Variants in GSR observed in about 807,000 individuals in gnomAD.
GSR encodes the protein glutathione reductase, mitochondrial.
GSR carries 48 observed loss-of-function variants against 56.5 expected under a neutral mutation model. That is an observed-to-expected ratio of 0.85 (90% CI 0.67 to 1.08). GSR has a LOEUF of 1.08. Ranked by LOEUF, GSR falls within the 50% of genes least tolerant of loss-of-function variation. The pLI is 0.00. For missense variants in GSR, 694 were observed against 703.3 expected, an observed-to-expected ratio of 0.99 and a Z score of 0.15; for synonymous variants, 264 against 270.8, an observed-to-expected ratio of 0.97 and a Z score of 0.25.
intron 8 of GSR, among the ~76,000 whole-genome samples, chr8:30,692,204 T>TC (rs1803404775): frequency 7.4e-6 from 1 of 134,964 alleles, no homozygotes; most frequent in South Asian, 2.6e-4. Flanking sequence ...AGCTTTTTTT[T>TC]TTTTTTTTTT....
intron 12 of GSR, among the ~76,000 whole-genome samples, chr8:30,680,347 G>C (rs1010678196): frequency 6.6e-6 from 1 of 150,834 alleles, no homozygotes; most frequent in Non-Finnish European, 1.5e-5. Flanking sequence ...AGGATTATAG[G>C]CGTGAGCCAC....
At chr8:30,690,659 T>C (rs1165768776) in intron 8 of GSR, among the ~76,000 whole-genome samples, 1 of 152,196 alleles carries the variant, frequency 6.6e-6, no homozygotes, top group Non-Finnish European at 1.5e-5. Context: ...GGAAGATCAT[T>C]TTTAAAAGGC....
At chr8:30,682,783 A>T (rs1248792055) in intron 10 of GSR, among the ~76,000 whole-genome samples, 1 of 151,862 alleles carries the variant, frequency 6.6e-6, no homozygotes, top group Non-Finnish European at 1.5e-5. Flanking sequence ...TACAGGCATG[A>T]GCCACTGCGC....
Position 30,709,911 on chromosome 8 carries a change from A to T in GSR, c.334-9T>A. The stretch of plus-strand genomic sequence containing the variant: ...GCTGTGTTCCACATTACCTGTAAAA[A>T]AAAAAAAAAAAAAGGATCCAAAACA... On this transcript the variant is annotated splice_polypyrimidine_tract_variant and intron_variant, in intron 2 of 12. Coordinates refer to ENST00000221130, the MANE Select transcript of GSR (RefSeq NM_000637.5). The T allele has an allele frequency of 7.0e-7, 1 of 1,428,104 alleles. No individual in the cohort carries two copies. The highest frequency in any genetic ancestry group is 1.4e-5 in the African/African-American group (1 of 71,014). The allele number at this position is 1,428,104 out of a possible 1,614,324, so 88.5% of individuals were successfully genotyped here.
At chr8:30,703,499 C>T (rs976726286) in intron 4 of GSR, among the ~76,000 whole-genome samples, 1 of 152,090 alleles carries the variant, frequency 6.6e-6, no homozygotes, top group Non-Finnish European at 1.5e-5. Flanking sequence ...GTAATCCTAG[C>T]ACTTTGGGAG....
At position 30,681,051 on chromosome 8, in the gene GSR, T is replaced by C. The variant is rs781165687; in HGVS notation, c.1286-14A>G. On this transcript the variant is annotated splice_polypyrimidine_tract_variant and intron_variant, in intron 11 of 12. Coordinates refer to ENST00000221130, the MANE Select transcript of GSR (RefSeq NM_000637.5). ...GAATGGCTTCATCTACAATGCACAT[T>C]AAAAAAAGCATCTATCAGAAAACTA... 1 of 1,599,946 alleles carries C rather than the reference T, an allele frequency of 6.3e-7. No individual in the cohort carries two copies. The highest frequency in any genetic ancestry group is 1.3e-5 in the African/African-American group (1 of 74,610).
chr8:30,699,116 T>A (rs1197546211), intron 6 of GSR, among the ~76,000 whole-genome samples: 1 of 151,908 alleles, frequency 6.6e-6, no homozygotes, highest in Non-Finnish European at 1.5e-5. Flanking sequence ...CGAGACCCCA[T>A]CTCTACAAAA....
chr8:30,691,717 T>C (rs1803384035), intron 8 of GSR, among the ~76,000 whole-genome samples: 1 of 151,856 alleles, frequency 6.6e-6, no homozygotes, highest in Non-Finnish European at 1.5e-5. Context: ...TCCATAATAT[T>C]TCCTAAAAAA....
At chr8:30,717,278 G>C (rs894202069) in intron 1 of GSR, among the ~76,000 whole-genome samples, 1 of 123,770 alleles carries the variant, frequency 8.1e-6, no homozygotes, top group Non-Finnish European at 1.8e-5. Context: ...ATTAGAGACA[G>C]GGTCTTACTA....
intron 1 of GSR, among the ~76,000 whole-genome samples, chr8:30,722,444 G>T (rs1276167434): frequency 6.6e-6 from 1 of 152,162 alleles, no homozygotes; most frequent in Non-Finnish European, 1.5e-5. Context: ...TGCATGTTCA[G>T]GCTGGGCACG....
intron 4 of GSR, among the ~76,000 whole-genome samples, chr8:30,706,051 C>T (rs1803907743): frequency 6.6e-6 from 1 of 151,726 alleles, no homozygotes; most frequent in Admixed American, 6.6e-5. Flanking sequence ...TGGCTGATGC[C>T]TGTAATCCCA....
Position 30,703,137 on chromosome 8 carries a change from G to A in GSR, c.596C>T (p.Ala199Val). ...AGGGGTGGAGGGCATACCACCTGTG[G>A]CGATCAGGATGTGTGGGGCGGTGTA... ...KKYTAPHILIATGGMPSTPHE... is the reference protein window; with the variant it reads ...KKYTAPHILIVTGGMPSTPHE... Residue 199 changes from alanine to valine, a missense_variant, in exon 5 of 13, where the codon GCC becomes GTC. Physicochemically the swap from Ala to Val is moderately conservative, Grantham distance 64. Coordinates refer to ENST00000221130, the MANE Select transcript of GSR (RefSeq NM_000637.5). The A allele has an allele frequency of 1.9e-6, 3 of 1,614,112 alleles. No individual in the cohort carries two copies. The African/African-American group carries it at 4.0e-5, about 22-fold the overall frequency.
At chr8:30,717,675 T>C (rs1259178608) in intron 1 of GSR, among the ~76,000 whole-genome samples, 1 of 151,830 alleles carries the variant, frequency 6.6e-6, no homozygotes, top group Non-Finnish European at 1.5e-5. Context: ...CTGTCTCCCA[T>C]CAGCCCCAGA....
chr8:30,698,408 CAT>C (rs1030076125), intron 6 of GSR, among the ~76,000 whole-genome samples: 6 of 152,142 alleles, frequency 3.9e-5, no homozygotes, highest in African/African-American at 1.4e-4. Flanking sequence ...TACATCCTCA[CAT>C]ATGTCATGTC....
At chr8:30,685,755 C>A (rs1157185973) in intron 9 of GSR, among the ~76,000 whole-genome samples, 2 of 151,960 alleles carry the variant, frequency 1.3e-5, no homozygotes, top group African/African-American at 4.8e-5. Flanking sequence ...GCGGGCGGAT[C>A]ACCTGAGGTC....
chr8:30,717,480 G>A (rs1047596440), intron 1 of GSR, among the ~76,000 whole-genome samples: 2 of 151,960 alleles, frequency 1.3e-5, no homozygotes, highest in African/African-American at 4.8e-5. Flanking sequence ...GCAAGTGAGC[G>A]AAGCTTCATA....
chr8:30,684,095 A>G lies in GSR; in HGVS notation c.1146T>C (p.Leu382=). 6.5e-7 allele frequency: 1 copy of G among 1,541,088 alleles called. No homozygotes were observed. Among genetic ancestry groups the G allele is most frequent in the Non-Finnish European group, 9.0e-7 (1 of 1,113,370 alleles). The change falls in exon 10 of 13, where the codon CTT becomes CTC. Residue 382 remains leucine, a synonymous_variant. Transcript: ENST00000221130. ...GAAGGGAAGAGACCTTACCTGGAGT[A>G]AGAAGAGCTTTTCCACATACATCCC... ...AVGDVCGKAL[L]TPVAIAAGRK...
intron 6 of GSR, among the ~76,000 whole-genome samples, chr8:30,699,870 G>C (rs754667159): frequency 2.4e-4 from 37 of 152,152 alleles, no homozygotes; most frequent in Non-Finnish European, 5.0e-4. Context: ...CCCTGCATTT[G>C]ACTTTGGCCT....
chr8:30,727,461 G>C (rs1804770880), intron 1 of GSR, 69 bp downstream of exon 1: 3 of 1,399,920 alleles, frequency 2.1e-6, no homozygotes, highest in Non-Finnish European at 2.9e-6. Flanking sequence ...ATAGGAACGA[G>C]CACAGGCTGT....
Sources: allele counts gnomAD v4.1 joint callset (sites outside exome capture counted in the v4.1 genomes callset), GRCh38; gene constraint gnomAD v4.1.1; transcripts MANE v1.5; gene names NCBI Gene and HGNC (gene_info 2026-07-23, HGNC 2026-07-21).